The following GALNT6 variants were observed in gnomAD, a reference collection of about 807,000 sequenced individuals.
The protein encoded by GALNT6 is GalNAc transferase 6.
A neutral mutation model predicts 65.9 loss-of-function variants in GALNT6; 51 were observed. The observed-to-expected ratio is 0.77, with a 90% CI of 0.62 to 0.98. The LOEUF (loss-of-function observed/expected upper bound fraction) is 0.98, where lower values mean the gene tolerates loss of function less well. Among genes scored for constraint, GALNT6 ranks in the 50% least tolerant of loss-of-function variants. The probability of loss-of-function intolerance (pLI) is 0.00; values close to 1 mark genes in which losing one functional copy is unlikely to be tolerated. For synonymous variants in GALNT6, 323 were observed against 315.1 expected, an observed-to-expected ratio of 1.02 and a Z score of -0.26; for missense variants, 708 against 803.3, an observed-to-expected ratio of 0.88 and a Z score of 1.43.
At chr12:51,376,118 GCCTCC>G (rs1565727739) in intron 4 of GALNT6, among the ~76,000 whole-genome samples, 2 of 151,984 alleles carry the variant, frequency 1.3e-5, no homozygotes, top group Non-Finnish European at 2.9e-5. Context: ...GTCCGCTTCA[GCCTCC>G]CAAAGTGCTG....
intron 5 of GALNT6, among the ~76,000 whole-genome samples, chr12:51,364,985 T>C (rs1947047142): frequency 6.6e-6 from 1 of 152,128 alleles, no homozygotes; most frequent in Non-Finnish European, 1.5e-5. Flanking sequence ...TCACCACTCC[T>C]AGGGAAAATA....
In GALNT6 at chr12:51,379,561, C is replaced by A; in HGVS notation, c.221G>T (p.Arg74Met). The change falls in exon 3 of 12, where the codon AGG becomes ATG. Residue 74 changes from arginine to methionine, a missense_variant. Transcript: ENST00000356317. ...CAGAGTCTGCTGGGCTTCTGGAGCC[C>A]TGATTTGGAGCTTGGGCATTGAATC... ...LRDSMPKLQIRAPEAQQTLFS... is the reference protein window; with the variant it reads ...LRDSMPKLQIMAPEAQQTLFS... 6.2e-7 allele frequency: 1 copy of A among 1,614,158 alleles called. No individual in the cohort carries two copies. Among genetic ancestry groups the A allele is most frequent in the Non-Finnish European group, 8.5e-7 (1 of 1,180,016 alleles).
rs539998354 is a variant in GALNT6, at chr12:51,367,493, G to A, written c.665-1914C>T. Among the ~76,000 whole-genome samples the A allele has an allele frequency of 8.6e-4, 131 of 152,262 alleles. 1 individual carries two copies. The highest frequency in any genetic ancestry group is 2.6e-3 in the African/African-American group (108 of 41,544). ...GAAGCAGTCCATCTTGAAACATACC[G>A]AATTCCAAACCTTACTATGTTTTAC... On this transcript the variant is annotated intron_variant, in intron 4 of 11. Transcript: ENST00000356317.
intron 6 of GALNT6, among the ~76,000 whole-genome samples, chr12:51,362,478 C>T (rs964507412): frequency 1.3e-5 from 2 of 152,122 alleles, no homozygotes; most frequent in Admixed American, 6.5e-5. Context: ...TGCATGCTAC[C>T]GGGGCATGTG....
rs759125576 is a variant in GALNT6, at chr12:51,379,271, G to A, written c.491+20C>T. ...TAGCAAAGCCCTGGTCTCCCCACAAGGACTCTGGGTGCTACTTACTCAGGT... is the reference window on the plus strand; with the variant it reads ...TAGCAAAGCCCTGGTCTCCCCACAAAGACTCTGGGTGCTACTTACTCAGGT... On this transcript the variant is annotated intron_variant, in intron 3 of 11. Coordinates refer to ENST00000356317, the MANE Select transcript of GALNT6 (RefSeq NM_007210.4). 5.9e-6 allele frequency: 9 copies of A among 1,517,026 alleles called. No individual in the cohort carries two copies. The highest frequency in any genetic ancestry group is 7.9e-6 in the Non-Finnish European group (9 of 1,135,034). The allele number at this position is 1,517,026 out of a possible 1,614,324, so 94.0% of individuals were successfully genotyped here. A position where few individuals can be genotyped will look rare whatever the true frequency, so the allele number is the denominator to read the frequency against.
intron 10 of GALNT6, among the ~76,000 whole-genome samples, chr12:51,356,738 T>C (rs957176112): frequency 1.3e-5 from 2 of 151,726 alleles, no homozygotes; most frequent in African/African-American, 2.4e-5. Context: ...AATCATGTGA[T>C]ATGCTTGTTC....
rs181616599 is a variant in GALNT6 at position 51,375,433 on chromosome 12, G to A, written c.664+1762C>T. On this transcript the variant is annotated intron_variant, in intron 4 of 11. Transcript: ENST00000356317. ...ACATACTCCATGGTGCATTGTTCTC[G>A]TACCATGAATAAAATGGAATGCATG... Among the ~76,000 whole-genome samples, 402 of 152,220 alleles carry A rather than the reference G, an allele frequency of 2.6e-3. 1 individual carries two copies. Among genetic ancestry groups the A allele is most frequent in the Non-Finnish European group, 4.7e-3 (318 of 68,030 alleles).
rs141244547 is a variant in GALNT6 at position 51,354,148 on chromosome 12, C to T, written c.*231G>A. ...ACTTTGGGAGCCTCTATTTCTAGAACAGGAAAACGCTAGGCTAAATATATG... is the reference window on the plus strand; with the variant it reads ...ACTTTGGGAGCCTCTATTTCTAGAATAGGAAAACGCTAGGCTAAATATATG... On this transcript the variant is annotated 3_prime_UTR_variant, in exon 12 of 12. Coordinates refer to ENST00000356317, the MANE Select transcript of GALNT6 (RefSeq NM_007210.4). 373 of 427,266 alleles carry T rather than the reference C, an allele frequency of 8.7e-4. 3 individuals are homozygous for T. Among genetic ancestry groups the T allele is most frequent in the African/African-American group, 6.9e-3 (333 of 48,086 alleles). The allele number at this position is 427,266 out of a possible 1,614,324, so 26.5% of individuals were successfully genotyped here.
At chr12:51,359,446 A>C in intron 7 of GALNT6, 114 bp from the exon 8 acceptor site, 1 of 677,722 alleles carries the variant, frequency 1.5e-6, no homozygotes, top group Non-Finnish European at 2.5e-6. Context: ...GGACTTGGGC[A>C]AATGCTGCTC....
Position 51,364,353 on chromosome 12 carries a change from C to T in GALNT6, c.817G>A (p.Glu273Lys), listed in dbSNP as rs772758841. Reference protein sequence around the residue: ...EVLTFLDAHCECFHGWLEPLL... With the variant: ...EVLTFLDAHCKCFHGWLEPLL... ...GGCTCCAGCCAGCCGTGGAAGCACT[C>T]ACCTGCAGGCCCCAACCAGGAGGCA... is the stretch of plus-strand genomic sequence containing the variant. The change falls in exon 6 of 12, where the codon GAG becomes AAG. Residue 273 changes from glutamate (E) to lysine (K), a missense_variant and splice_region_variant. Coordinates refer to ENST00000356317, the MANE Select transcript of GALNT6 (RefSeq NM_007210.4). 6.2e-7 allele frequency: 1 copy of T among 1,611,510 alleles called. No individual in the cohort carries two copies. The highest frequency in any genetic ancestry group is 1.3e-5 in the African/African-American group (1 of 74,982).
At chr12:51,370,978 A>G (rs1451441977) in intron 4 of GALNT6, among the ~76,000 whole-genome samples, 1 of 152,138 alleles carries the variant, frequency 6.6e-6, no homozygotes, top group African/African-American at 2.4e-5. Flanking sequence ...CTTTTACTAC[A>G]TACACACATG....
chr12:51,384,691 CAAAAAAAA>C (rs747557675), intron 2 of GALNT6, among the ~76,000 whole-genome samples: 2 of 89,380 alleles, frequency 2.2e-5, no homozygotes, highest in African/African-American at 4.6e-5. Context: ...GACTCTGTCT[CAAAAAAAA>C]AAAAAAAAAA....
chr12:51,381,204 C>T (rs1362002680), intron 2 of GALNT6, among the ~76,000 whole-genome samples: 1 of 152,204 alleles, frequency 6.6e-6, no homozygotes, highest in Non-Finnish European at 1.5e-5. Context: ...CGCACCATTG[C>T]TCTTCAGCAT....
At chr12:51,375,432 C>T (rs575806001) in intron 4 of GALNT6, among the ~76,000 whole-genome samples, 40 of 152,290 alleles carry the variant, frequency 2.6e-4, no homozygotes, top group African/African-American at 9.4e-4. Context: ...GCATTGTTCT[C>T]GTACCATGAA....
chr12:51,390,156 C>CT lies in GALNT6; in HGVS notation c.-104+693dup, dbSNP rs796243349. 3.6e-3 allele frequency among the ~76,000 whole-genome samples: 423 copies of CT among 116,282 alleles called. 13 individuals are homozygous for CT. Among genetic ancestry groups the CT allele is most frequent in the East Asian group, 0.03 (110 of 3,674 alleles). 76.3% of individuals were successfully genotyped at this position (116,282 alleles called of 152,430 possible). ...AGCATATTTCTTTCTTTCTTTCTTTCTTTTTTTTTTTTTTTTTTTTTTTGA... is the reference window on the plus strand; with the variant it reads ...AGCATATTTCTTTCTTTCTTTCTTTCTTTTTTTTTTTTTTTTTTTTTTTTGA... On this transcript the variant is annotated intron_variant, in intron 2 of 11. Transcript: ENST00000356317.
intron 6 of GALNT6, among the ~76,000 whole-genome samples, chr12:51,363,479 A>T (rs540902903): frequency 6.6e-6 from 1 of 152,238 alleles, no homozygotes; most frequent in East Asian, 1.9e-4. Flanking sequence ...TAATGTTTGT[A>T]AAAAAAATAA....
At chr12:51,358,076 C>G in intron 9 of GALNT6, 54 bp downstream of exon 9, 1 of 1,562,318 alleles carries the variant, frequency 6.4e-7, no homozygotes. Context: ...TGGTCTTGAA[C>G]TTCTCCAAGG....
intron 6 of GALNT6, among the ~76,000 whole-genome samples, chr12:51,362,841 GACTCTGAGC>G (rs1406965356): frequency 6.7e-6 from 1 of 148,818 alleles, no homozygotes; most frequent in Non-Finnish European, 1.5e-5. Flanking sequence ...TTTCTACTGG[GACTCTGAGC>G]AGGTTTTTTT....
chr12:51,358,063 C>T, intron 9 of GALNT6, 67 bp downstream of exon 9: 2 of 1,439,304 alleles, frequency 1.4e-6, no homozygotes, highest in Non-Finnish European at 1.9e-6. Flanking sequence ...TCTGTGGGGT[C>T]AGTGGTCTTG....
Sources: allele counts gnomAD v4.1 joint callset (sites outside exome capture counted in the v4.1 genomes callset), GRCh38; gene constraint gnomAD v4.1.1; transcripts MANE v1.5; gene names NCBI Gene and HGNC (gene_info 2026-07-23, HGNC 2026-07-21).